Variants in NRG3 observed in about 807,000 individuals in gnomAD.
NRG3 encodes the protein neuregulin 3.
NRG3 carries 31 observed loss-of-function variants against 66.9 expected under a neutral mutation model. That is an observed-to-expected ratio of 0.46 (90% CI 0.35 to 0.63). NRG3 has a LOEUF of 0.63. NRG3 is among the 20% of genes least tolerant of loss of function. The pLI is 0.00. For missense variants in NRG3, 910 were observed against 878.9 expected (o/e 1.04, Z -0.45); for synonymous variants, 393 against 359.4 (o/e 1.09, Z -1.06).
intron 2 of NRG3, among the ~76,000 whole-genome samples, chr10:82,626,422 A>C (rs2049427238): frequency 6.6e-6 from 1 of 152,154 alleles, no homozygotes; most frequent in Non-Finnish European, 1.5e-5. Flanking sequence ...ACTGACCATG[A>C]AGAGTGTTTT....
chr10:82,537,704 A>T (rs2043256173), intron 2 of NRG3, among the ~76,000 whole-genome samples: 1 of 152,152 alleles, frequency 6.6e-6, no homozygotes, highest in Non-Finnish European at 1.5e-5. Context: ...ATAATTTTAG[A>T]TTTACAAAAC....
chr10:82,892,074 A>G (rs1370930481), intron 4 of NRG3, among the ~76,000 whole-genome samples: 1 of 152,160 alleles, frequency 6.6e-6, no homozygotes, highest in Non-Finnish European at 1.5e-5. Context: ...CAAGTGTTAA[A>G]CCAATTATGC....
intron 1 of NRG3, among the ~76,000 whole-genome samples, chr10:82,296,281 C>A (rs992254465): frequency 6.6e-6 from 1 of 152,268 alleles, no homozygotes; most frequent in African/African-American, 2.4e-5. Flanking sequence ...CAATGAGAAA[C>A]CATCAACGTT....
At chr10:82,440,210 T>C (rs1331606259) in intron 2 of NRG3, among the ~76,000 whole-genome samples, 1 of 151,870 alleles carries the variant, frequency 6.6e-6, no homozygotes, top group Non-Finnish European at 1.5e-5. Context: ...TCTAGATTTG[T>C]ATTATTTTCA....
chr10:82,970,302 T>C (rs1409741213), intron 6 of NRG3, among the ~76,000 whole-genome samples: 1 of 152,156 alleles, frequency 6.6e-6, no homozygotes, highest in East Asian at 1.9e-4. Context: ...AATTTAAATT[T>C]CTCTATTTAT....
chr10:82,440,966 A>G (rs942691765), intron 2 of NRG3, among the ~76,000 whole-genome samples: 2 of 152,192 alleles, frequency 1.3e-5, no homozygotes, highest in Non-Finnish European at 2.9e-5. Context: ...AAATGTGCAC[A>G]TATTTTGGAT....
chr10:82,963,704 G>A (rs927436526), intron 6 of NRG3, among the ~76,000 whole-genome samples: 4 of 152,114 alleles, frequency 2.6e-5, no homozygotes, highest in African/African-American at 4.8e-5. Flanking sequence ...AAGAATTTGC[G>A]TTAAAATAGT....
intron 2 of NRG3, among the ~76,000 whole-genome samples, chr10:82,419,056 C>A (rs974499915): frequency 1.3e-5 from 2 of 151,920 alleles, no homozygotes; most frequent in African/African-American, 4.8e-5. Context: ...TAAACTTAAC[C>A]CTACAGGGAT....
intron 4 of NRG3, among the ~76,000 whole-genome samples, chr10:82,892,300 G>A (rs1397219115): frequency 2.6e-5 from 4 of 151,968 alleles, no homozygotes; most frequent in South Asian, 2.1e-4. Flanking sequence ...AAAGGCAAGC[G>A]AGAAATGAAA....
intron 1 of NRG3, among the ~76,000 whole-genome samples, chr10:81,929,493 G>A (rs1260664260): frequency 6.6e-6 from 1 of 152,160 alleles, no homozygotes; most frequent in Non-Finnish European, 1.5e-5. Context: ...GGTGTAGCTG[G>A]GCTATGGAGC....
At chr10:82,808,869 A>C (rs1467725722) in intron 3 of NRG3, among the ~76,000 whole-genome samples, 1 of 152,214 alleles carries the variant, frequency 6.6e-6, no homozygotes, top group Non-Finnish European at 1.5e-5. Context: ...AATTACGTGA[A>C]TTTTTACTAA....
At chr10:82,226,658 A>G (rs1425910088) in intron 1 of NRG3, among the ~76,000 whole-genome samples, 3 of 152,154 alleles carry the variant, frequency 2.0e-5, no homozygotes, top group African/African-American at 7.2e-5. Flanking sequence ...TGTGCATGCT[A>G]TATGTTTGAA....
chr10:82,667,528 C>A (rs568049877), intron 2 of NRG3, among the ~76,000 whole-genome samples: 1 of 152,096 alleles, frequency 6.6e-6, no homozygotes, highest in Non-Finnish European at 1.5e-5. Context: ...GAGATACTGC[C>A]TGGAAGGAAA....
chr10:82,859,534 C>T (rs895015926), intron 3 of NRG3, among the ~76,000 whole-genome samples: 3 of 152,110 alleles, frequency 2.0e-5, no homozygotes, highest in Non-Finnish European at 4.4e-5. Context: ...GCAGCCTGCC[C>T]ACCTCGGGGG....
At chr10:82,083,017 CT>C (rs1454894004) in intron 1 of NRG3, among the ~76,000 whole-genome samples, 2 of 151,650 alleles carry the variant, frequency 1.3e-5, no homozygotes, top group African/African-American at 4.8e-5. Flanking sequence ...ATAGCTCACA[CT>C]GTCTCTCAAA....
At chr10:82,504,685 G>A (rs983385901) in intron 2 of NRG3, among the ~76,000 whole-genome samples, 2 of 152,156 alleles carry the variant, frequency 1.3e-5, no homozygotes, top group African/African-American at 4.8e-5. Flanking sequence ...GGAAAAGTAA[G>A]CCCAAATACA....
At chr10:82,787,115 C>T (rs2060402250) in intron 3 of NRG3, among the ~76,000 whole-genome samples, 2 of 152,134 alleles carry the variant, frequency 1.3e-5, no homozygotes, top group South Asian at 4.1e-4. Context: ...ACACCTATGA[C>T]CTATGTCTTG....
chr10:82,707,108 T>C (rs188815870), intron 2 of NRG3, among the ~76,000 whole-genome samples: 51 of 150,414 alleles, frequency 3.4e-4, no homozygotes, highest in African/African-American at 1.2e-3. Context: ...TTGTACTCAA[T>C]TTCATCATAT....
At chr10:82,903,346 G>T (rs542100611) in intron 4 of NRG3, among the ~76,000 whole-genome samples, 2 of 152,186 alleles carry the variant, frequency 1.3e-5, no homozygotes, top group East Asian at 3.9e-4. Context: ...AGTAAAAAGT[G>T]ATCTCTCTCT....
Sources: allele counts gnomAD v4.1 joint callset (sites outside exome capture counted in the v4.1 genomes callset), GRCh38; gene constraint gnomAD v4.1.1; transcripts MANE v1.5; gene names NCBI Gene and HGNC (gene_info 2026-07-23, HGNC 2026-07-21).